Variants in TAFA2 observed in about 807,000 individuals in gnomAD.
TAFA2 encodes chemokine-like protein TAFA-2.
TAFA2 carries 7 observed loss-of-function variants against 18.8 expected under a neutral mutation model. The ratio of observed to expected loss-of-function variants is 0.37; its 90% CI spans 0.21 to 0.70. The LOEUF (loss-of-function observed/expected upper bound fraction) is 0.70. Among genes scored for constraint, TAFA2 ranks in the 30% least tolerant of loss-of-function variants. TAFA2 has a pLI of 0.53. For missense variants in TAFA2, 122 were observed against 158.1 expected (o/e 0.77, Z 1.23); for synonymous variants, 60 against 54.2 (o/e 1.11, Z -0.47).
At chr12:62,253,534 G>A (rs2062924613) in intron 1 of TAFA2, 1 of 152,140 alleles carries the variant, frequency 6.6e-6, no homozygotes, top group Non-Finnish European at 1.5e-5. Context: ...ATCCTTTCTG[G>A]AGGCTTTAAC....
chr12:61,921,578 T>C (rs1877057303), intron 1 of TAFA2, among the ~76,000 whole-genome samples: 1 of 152,092 alleles, frequency 6.6e-6, no homozygotes. Context: ...TGATTTGGTA[T>C]GGGTTTTTTT....
chr12:61,759,350 G>C (rs1384666047), intron 2 of TAFA2, among the ~76,000 whole-genome samples: 1 of 151,980 alleles, frequency 6.6e-6, no homozygotes, highest in Non-Finnish European at 1.5e-5. Context: ...TGAAATGAAA[G>C]TTAAAGTAAT....
chr12:61,767,925 A>C (rs1869859629), intron 2 of TAFA2, among the ~76,000 whole-genome samples: 1 of 152,144 alleles, frequency 6.6e-6, no homozygotes, highest in South Asian at 2.1e-4. Flanking sequence ...TGTCCTCTTA[A>C]AAATGACTTT....
intron 1 of TAFA2, among the ~76,000 whole-genome samples, chr12:62,033,346 T>TAA (rs1271433648): frequency 6.6e-5 from 10 of 152,144 alleles, no homozygotes; most frequent in Admixed American, 6.5e-4. Context: ...AGATAATGAC[T>TAA]AAAAATGACC....
intron 1 of TAFA2, among the ~76,000 whole-genome samples, chr12:62,224,672 A>T (rs202240588): frequency 0.02 from 3,070 of 152,174 alleles, 45 homozygotes; most frequent in African/African-American, 0.042. Context: ...GACACAAAAA[A>T]TAAAATGGTT....
intron 1 of TAFA2, chr12:61,879,229 AG>A (rs1285271136): frequency 1.4e-5 from 5 of 369,746 alleles, no homozygotes; most frequent in African/African-American, 2.1e-5. Context: ...TTCCATTAAA[AG>A]TCTGATAATG....
At chr12:61,930,251 A>G (rs1877501078) in intron 1 of TAFA2, among the ~76,000 whole-genome samples, 1 of 152,176 alleles carries the variant, frequency 6.6e-6, no homozygotes, top group Non-Finnish European at 1.5e-5. Flanking sequence ...TCAAACCAAA[A>G]GGGACTGCAT....
At chr12:62,002,317 C>A (rs1880406085) in intron 1 of TAFA2, among the ~76,000 whole-genome samples, 1 of 152,150 alleles carries the variant, frequency 6.6e-6, no homozygotes, top group African/African-American at 2.4e-5. Flanking sequence ...CCTTTCCTTA[C>A]AAATAGCCCC....
chr12:62,105,250 A>C (rs1869396568), intron 1 of TAFA2, among the ~76,000 whole-genome samples: 1 of 152,234 alleles, frequency 6.6e-6, no homozygotes, highest in Non-Finnish European at 1.5e-5. Context: ...TAAACCATTA[A>C]ATCAGCACAA....
At chr12:61,894,118 C>T (rs886982021) in intron 1 of TAFA2, among the ~76,000 whole-genome samples, 1 of 152,202 alleles carries the variant, frequency 6.6e-6, no homozygotes, top group Non-Finnish European at 1.5e-5. Flanking sequence ...TCCACCTTCA[C>T]TGCTTTTGAA....
intron 2 of TAFA2, among the ~76,000 whole-genome samples, chr12:61,836,742 T>TAG (rs1483024566): frequency 1.4e-5 from 2 of 142,632 alleles, no homozygotes; most frequent in African/African-American, 2.5e-5. Context: ...GATATATATA[T>TAG]ATATATATAT....
chr12:61,844,337 C>T (rs1030206568), intron 2 of TAFA2, among the ~76,000 whole-genome samples: 36 of 152,120 alleles, frequency 2.4e-4, no homozygotes, highest in African/African-American at 8.7e-4. Flanking sequence ...GAAATCTGTT[C>T]AAGTATAAAT....
At chr12:62,097,015 C>T (rs1868981993) in intron 1 of TAFA2, among the ~76,000 whole-genome samples, 1 of 152,122 alleles carries the variant, frequency 6.6e-6, no homozygotes, top group South Asian at 2.1e-4. Flanking sequence ...TTAACACCCC[C>T]TTGCTATTTC....
At chr12:61,993,338 T>C (rs1260008029) in intron 1 of TAFA2, among the ~76,000 whole-genome samples, 2 of 152,194 alleles carry the variant, frequency 1.3e-5, no homozygotes, top group African/African-American at 4.8e-5. Context: ...TTATAAAGAA[T>C]GAAAATAATC....
intron 1 of TAFA2, among the ~76,000 whole-genome samples, chr12:62,054,862 A>T (rs991039839): frequency 4.6e-5 from 7 of 152,228 alleles, no homozygotes; most frequent in South Asian, 4.1e-4. Context: ...ACATGATTTC[A>T]TCACAGAATC....
In TAFA2 at chr12:61,839,316, A is replaced by G. The variant is rs1360483845; in HGVS notation, c.106+28004T>C. Among the ~76,000 whole-genome samples, 6 of 152,114 alleles carry G rather than the reference A, an allele frequency of 3.9e-5. No individual in the cohort carries two copies. The South Asian group carries it at 1.2e-3, about 32-fold the overall frequency. ...AGTGGAGAAATGTCTCAGTTGCTAC[A>G]TAAGAAGGAAGAAAGCAATTTGGAG... On this transcript the variant is annotated intron_variant, in intron 2 of 4. Transcript: ENST00000416284.
chr12:61,823,789 G>A (rs753517709), intron 2 of TAFA2, among the ~76,000 whole-genome samples: 51 of 152,094 alleles, frequency 3.4e-4, no homozygotes, highest in Non-Finnish European at 2.1e-4. Context: ...AATGGGAGGA[G>A]AGTGCCCATA....
intron 1 of TAFA2, among the ~76,000 whole-genome samples, chr12:61,904,296 G>C (rs1477195335): frequency 6.6e-6 from 1 of 151,972 alleles, no homozygotes. Flanking sequence ...AAACACTACA[G>C]GTTTTTCCCT....
intron 4 of TAFA2, among the ~76,000 whole-genome samples, chr12:61,752,875 T>C (rs1869085098): frequency 2.0e-5 from 3 of 152,044 alleles, no homozygotes; most frequent in African/African-American, 7.2e-5. Context: ...CTCTAATTTA[T>C]AGTATGCTTT....
Sources: allele counts gnomAD v4.1 joint callset (sites outside exome capture counted in the v4.1 genomes callset), GRCh38; gene constraint gnomAD v4.1.1; transcripts MANE v1.5; gene names NCBI Gene and HGNC (gene_info 2026-07-23, HGNC 2026-07-21).